Variants in AUTS2 observed in about 807,000 individuals in gnomAD.
AUTS2 encodes the protein autism susceptibility gene 2 protein.
Under a neutral mutation model 112.4 loss-of-function variants are expected in AUTS2, and 17 were observed. That is an observed-to-expected ratio of 0.15 (90% CI 0.10 to 0.23). AUTS2 has a LOEUF of 0.23. Among genes scored for constraint, AUTS2 ranks in the 10% least tolerant of loss-of-function variants. The probability of loss-of-function intolerance (pLI) is 1.00; values close to 1 mark genes in which losing one functional copy is unlikely to be tolerated. For missense variants in AUTS2, 1,510 were observed against 1,701.6 expected, an observed-to-expected ratio of 0.89 and a Z score of 1.98; for synonymous variants, 751 against 702.7, an observed-to-expected ratio of 1.07 and a Z score of -1.09.
chr7:70,772,855 C>G (rs565901184), intron 11 of AUTS2, among the ~76,000 whole-genome samples: 3 of 152,240 alleles, frequency 2.0e-5, no homozygotes, highest in African/African-American at 7.2e-5. Context: ...CACCTCACTA[C>G]TCCCTCAGAC....
chr7:70,781,676 G>A lies in AUTS2; in HGVS notation c.2066G>A (p.Arg689His), dbSNP rs769690050. The A allele has an allele frequency of 2.2e-5, 36 of 1,614,016 alleles. No homozygotes were observed. The highest frequency in any genetic ancestry group is 1.6e-4 in the Middle Eastern group (1 of 6,084). ...DFGLKPEFLS[R>H]PPGPSLFGAI... ...GGACTGAAACCTGAGTTCCTGAGCC[G>A]CCCTCCAGGCCCCAGTCTTTTTGGA... The change falls in exon 15 of 19, where the codon CGC becomes CAC. Residue 689 changes from arginine (R) to histidine (H), a missense_variant. Arg to His is a conservative substitution (Grantham distance 29). Coordinates refer to ENST00000342771, the MANE Select transcript of AUTS2 (RefSeq NM_015570.4).
chr7:70,439,843 G>A (rs1562958195), intron 5 of AUTS2, among the ~76,000 whole-genome samples: 1 of 152,154 alleles, frequency 6.6e-6, no homozygotes, highest in Non-Finnish European at 1.5e-5. Flanking sequence ...GTTTGGTTAT[G>A]AAGTTAATGT....
At chr7:70,498,500 G>C (rs1798647499) in intron 5 of AUTS2, among the ~76,000 whole-genome samples, 1 of 152,060 alleles carries the variant, frequency 6.6e-6, no homozygotes, top group Admixed American at 6.5e-5. Context: ...AACATGTCAG[G>C]GCCTGGTCTC....
intron 5 of AUTS2, among the ~76,000 whole-genome samples, chr7:70,597,396 G>A (rs1402347588): frequency 6.6e-6 from 1 of 152,144 alleles, no homozygotes; most frequent in African/African-American, 2.4e-5. Flanking sequence ...GAAACGAGTG[G>A]GTCATTTGAG....
At chr7:69,943,066 G>C (rs1426946401) in intron 2 of AUTS2, among the ~76,000 whole-genome samples, 1 of 152,146 alleles carries the variant, frequency 6.6e-6, no homozygotes, top group African/African-American at 2.4e-5. Flanking sequence ...ACACAGTACA[G>C]TTACATTGAT....
chr7:69,915,694 A>G (rs190831124), intron 2 of AUTS2, among the ~76,000 whole-genome samples: 31 of 152,288 alleles, frequency 2.0e-4, no homozygotes, highest in East Asian at 1.7e-3. Flanking sequence ...TTTTGATGCA[A>G]GTAGACCTTC....
intron 2 of AUTS2, among the ~76,000 whole-genome samples, chr7:70,099,446 A>C (rs1804371381): frequency 6.7e-6 from 1 of 150,308 alleles, no homozygotes; most frequent in Non-Finnish European, 1.5e-5. Context: ...CTGAATGGTG[A>C]CTTTGGCTGG....
chr7:70,110,998 T>C (rs1805056422), intron 2 of AUTS2, among the ~76,000 whole-genome samples: 1 of 149,214 alleles, frequency 6.7e-6, no homozygotes, highest in African/African-American at 2.5e-5. Flanking sequence ...CAGCCCCACC[T>C]CGAGTAGCTG....
At chr7:69,785,244 G>T (rs1255797741) in intron 1 of AUTS2, among the ~76,000 whole-genome samples, 1 of 152,192 alleles carries the variant, frequency 6.6e-6, no homozygotes, top group African/African-American at 2.4e-5. Flanking sequence ...AGTTTTGAGG[G>T]TTTTCCAAGG....
chr7:69,777,701 T>G (rs1304114532), intron 1 of AUTS2, among the ~76,000 whole-genome samples: 1 of 152,234 alleles, frequency 6.6e-6, no homozygotes, highest in Non-Finnish European at 1.5e-5. Flanking sequence ...ATTTTTTGTT[T>G]TTTCCCTTTA....
chr7:69,816,762 A>C (rs1790780682), intron 1 of AUTS2, among the ~76,000 whole-genome samples: 1 of 152,236 alleles, frequency 6.6e-6, no homozygotes, highest in Non-Finnish European at 1.5e-5. Context: ...AGTTAGCCAA[A>C]GTCTATCCAG....
At chr7:70,322,600 G>T (rs984814997) in intron 4 of AUTS2, among the ~76,000 whole-genome samples, 1 of 152,122 alleles carries the variant, frequency 6.6e-6, no homozygotes, top group East Asian at 1.9e-4. Flanking sequence ...CAATTTTATG[G>T]CCTCTCTGCT....
intron 1 of AUTS2, among the ~76,000 whole-genome samples, chr7:69,670,988 A>T (rs1315868650): frequency 6.6e-6 from 1 of 152,238 alleles, no homozygotes; most frequent in Admixed American, 6.5e-5. Context: ...CATCATTCAC[A>T]ATCAGGCCAA....
chr7:70,670,867 C>A (rs537118029), intron 5 of AUTS2, among the ~76,000 whole-genome samples: 2 of 152,170 alleles, frequency 1.3e-5, no homozygotes, highest in Admixed American at 6.5e-5. Context: ...CCTGAAGGGG[C>A]CTTGGTAGGG....
At chr7:70,015,670 G>A (rs926505429) in intron 2 of AUTS2, among the ~76,000 whole-genome samples, 2 of 152,090 alleles carry the variant, frequency 1.3e-5, no homozygotes, top group Non-Finnish European at 2.9e-5. Context: ...ATACACAAAC[G>A]AAATGAAATT....
At chr7:69,693,076 G>A (rs1797416277) in intron 1 of AUTS2, among the ~76,000 whole-genome samples, 1 of 152,232 alleles carries the variant, frequency 6.6e-6, no homozygotes, top group African/African-American at 2.4e-5. Context: ...GAGAGGTTTA[G>A]AGTTGTATAG....
At chr7:70,067,887 A>G (rs1179087031) in intron 2 of AUTS2, among the ~76,000 whole-genome samples, 1 of 151,822 alleles carries the variant, frequency 6.6e-6, no homozygotes, top group Non-Finnish European at 1.5e-5. Context: ...GAAAAACTTC[A>G]TACAGCCAAA....
At chr7:69,767,233 G>T (rs1374675144) in intron 1 of AUTS2, among the ~76,000 whole-genome samples, 3 of 149,200 alleles carry the variant, frequency 2.0e-5, no homozygotes, top group African/African-American at 4.9e-5. Flanking sequence ...AGGCTGGAGT[G>T]CAGTGGCGTG....
chr7:70,741,932 A>G (rs564197557), intron 6 of AUTS2, among the ~76,000 whole-genome samples: 19 of 152,290 alleles, frequency 1.2e-4, no homozygotes, highest in African/African-American at 4.3e-4. Context: ...TTGAGGCTGT[A>G]TGGTTAATGT....
Sources: gnomAD v4.1 joint callset for allele counts (sites outside exome capture counted in the v4.1 genomes callset) on GRCh38, gnomAD v4.1.1 for gene constraint, MANE v1.5 for transcripts, NCBI Gene and HGNC (gene_info 2026-07-23, HGNC 2026-07-21) for gene names.